The following RBPMS variants were observed in gnomAD, a reference collection of about 807,000 sequenced individuals.
RBPMS encodes the protein RNA-binding protein with multiple splicing.
In RBPMS, 7 loss-of-function variants were observed where a neutral mutation model predicts 26.8. The ratio of observed to expected loss-of-function variants is 0.26; its 90% CI spans 0.15 to 0.49. The LOEUF (loss-of-function observed/expected upper bound fraction) is 0.49, where lower values mean the gene tolerates loss of function less well. RBPMS is among the 20% of genes least tolerant of loss of function. The pLI is 0.98. For missense variants in RBPMS, 186 were observed against 250.0 expected (o/e 0.74, Z 1.73); for synonymous variants, 96 against 93.3 (o/e 1.03, Z -0.17).
intron 4 of RBPMS, among the ~76,000 whole-genome samples, chr8:30,489,019 A>G (rs1819091261): frequency 6.6e-6 from 1 of 152,168 alleles, no homozygotes; most frequent in African/African-American, 2.4e-5. Context: ...GGATCAAATT[A>G]AATGAGATGG....
At chr8:30,493,199 C>T (rs748096965) in intron 4 of RBPMS, among the ~76,000 whole-genome samples, 4 of 152,144 alleles carry the variant, frequency 2.6e-5, no homozygotes, top group Non-Finnish European at 5.9e-5. Flanking sequence ...TATAGGTTTT[C>T]CCCAAATCAC....
intron 6 of RBPMS, chr8:30,556,095 G>T (rs1826880329): frequency 1.9e-5 from 19 of 985,392 alleles, no homozygotes; most frequent in Non-Finnish European, 2.3e-5. Context: ...CTGTGGATGC[G>T]GTGAGAAGAG....
intron 1 of RBPMS, among the ~76,000 whole-genome samples, chr8:30,451,759 A>C (rs1814613200): frequency 6.6e-6 from 1 of 152,206 alleles, no homozygotes; most frequent in Non-Finnish European, 1.5e-5. Context: ...TCATGGAGAC[A>C]TTTAGCCCAT....
At chr8:30,453,235 G>C (rs1176422404) in intron 1 of RBPMS, among the ~76,000 whole-genome samples, 1 of 152,144 alleles carries the variant, frequency 6.6e-6, no homozygotes, top group East Asian at 1.9e-4. Context: ...GGTTCATGTA[G>C]AATCTTGTAA....
At chr8:30,549,856 CTTTTT>C (rs1184154625) in intron 6 of RBPMS, among the ~76,000 whole-genome samples, 1 of 94,396 alleles carries the variant, frequency 1.1e-5, no homozygotes, top group Non-Finnish European at 2.2e-5. Context: ...TTTCTTTCTT[CTTTTT>C]TTTTTCTGAG....
chr8:30,479,938 T>C (rs1015722114), intron 4 of RBPMS, among the ~76,000 whole-genome samples: 2 of 152,180 alleles, frequency 1.3e-5, no homozygotes, highest in African/African-American at 4.8e-5. Flanking sequence ...GATATATCTG[T>C]ATTTGGTTTG....
intron 5 of RBPMS, among the ~76,000 whole-genome samples, chr8:30,532,784 A>C (rs979456252): frequency 6.6e-6 from 1 of 152,202 alleles, no homozygotes; most frequent in Non-Finnish European, 1.5e-5. Flanking sequence ...TTTTCAGATG[A>C]CATACCACAT....
At chr8:30,410,446 C>A (rs868085865) in intron 1 of RBPMS, among the ~76,000 whole-genome samples, 1 of 151,590 alleles carries the variant, frequency 6.6e-6, no homozygotes, top group African/African-American at 2.4e-5. Context: ...CTGACCTTGT[C>A]ATCTGCCCCC....
At chr8:30,524,056 T>G (rs1823327703) in intron 5 of RBPMS, among the ~76,000 whole-genome samples, 1 of 152,224 alleles carries the variant, frequency 6.6e-6, no homozygotes, top group Admixed American at 6.5e-5. Flanking sequence ...CTGTAATTTC[T>G]TAGAGTATCT....
chr8:30,481,753 A>G (rs530495359), intron 4 of RBPMS, among the ~76,000 whole-genome samples: 4 of 152,304 alleles, frequency 2.6e-5, no homozygotes, highest in South Asian at 4.1e-4. Flanking sequence ...GCTGACTTAC[A>G]TAAGAGTGTA....
At chr8:30,495,763 G>A (rs187039382) in intron 4 of RBPMS, among the ~76,000 whole-genome samples, 19 of 152,176 alleles carry the variant, frequency 1.2e-4, no homozygotes, top group African/African-American at 3.9e-4. Flanking sequence ...TACATCTGAC[G>A]GATTCTTTCC....
chr8:30,408,610 T>C (rs957371936), intron 1 of RBPMS, among the ~76,000 whole-genome samples: 4 of 152,268 alleles, frequency 2.6e-5, no homozygotes, highest in Non-Finnish European at 4.4e-5. Flanking sequence ...TGATCAAAGA[T>C]TTGATGTGTG....
chr8:30,535,156 A>G (rs1359638605), intron 5 of RBPMS, among the ~76,000 whole-genome samples: 1 of 152,240 alleles, frequency 6.6e-6, no homozygotes, highest in African/African-American at 2.4e-5. Flanking sequence ...CATTTTCTTA[A>G]AAGTCAAGGA....
intron 6 of RBPMS, among the ~76,000 whole-genome samples, chr8:30,550,280 A>G (rs1440294331): frequency 6.6e-6 from 1 of 152,174 alleles, no homozygotes; most frequent in Non-Finnish European, 1.5e-5. Flanking sequence ...CTCCCTGGCC[A>G]CACAGGAGCT....
chr8:30,514,123 C>T (rs1010678785), intron 5 of RBPMS, among the ~76,000 whole-genome samples: 1 of 152,142 alleles, frequency 6.6e-6, no homozygotes, highest in African/African-American at 2.4e-5. Context: ...AAGTGTGCAG[C>T]AGTAAAGTGT....
intron 1 of RBPMS, among the ~76,000 whole-genome samples, chr8:30,449,038 G>A (rs538335077): frequency 6.6e-6 from 1 of 152,300 alleles, no homozygotes; most frequent in Admixed American, 6.5e-5. Flanking sequence ...TTATAGCTGG[G>A]AGTACTGGAG....
chr8:30,409,163 G>A (rs1808999888), intron 1 of RBPMS, among the ~76,000 whole-genome samples: 1 of 151,338 alleles, frequency 6.6e-6, no homozygotes, highest in South Asian at 2.1e-4. Context: ...CCACCTCTGG[G>A]TCCCTCAATG....
chr8:30,568,717 CTG>C (rs1036226241), intron 8 of RBPMS, among the ~76,000 whole-genome samples: 1 of 152,216 alleles, frequency 6.6e-6, no homozygotes, highest in Non-Finnish European at 1.5e-5. Flanking sequence ...CTCCGTGGGG[CTG>C]TGTTCCCAGA....
intron 1 of RBPMS, among the ~76,000 whole-genome samples, chr8:30,464,520 T>C (rs1816285432): frequency 6.6e-6 from 1 of 152,208 alleles, no homozygotes; most frequent in South Asian, 2.1e-4. Context: ...TGGGATGAAG[T>C]TCCTCAGATA....
Sources: gnomAD v4.1 joint callset for allele counts (sites outside exome capture counted in the v4.1 genomes callset) on GRCh38, gnomAD v4.1.1 for gene constraint, MANE v1.5 for transcripts, NCBI Gene and HGNC (gene_info 2026-07-23, HGNC 2026-07-21) for gene names.